The following TBC1D22A variants were observed in gnomAD, a reference collection of about 807,000 sequenced individuals.
TBC1D22A encodes the protein TBC1 domain family member 22A.
In TBC1D22A, 38 loss-of-function variants were observed where a neutral mutation model predicts 60.2. The observed-to-expected ratio is 0.63, with a 90% CI of 0.49 to 0.83. TBC1D22A has a LOEUF of 0.83. Ranked by LOEUF, TBC1D22A falls within the 40% of genes least tolerant of loss-of-function variation. The pLI is 0.00. For synonymous variants in TBC1D22A, 302 were observed against 281.7 expected, an observed-to-expected ratio of 1.07 and a Z score of -0.72; for missense variants, 628 against 701.0, an observed-to-expected ratio of 0.90 and a Z score of 1.18.
intron 12 of TBC1D22A, among the ~76,000 whole-genome samples, chr22:47,135,509 T>G (rs2066833957): frequency 6.6e-6 from 1 of 151,862 alleles, no homozygotes; most frequent in South Asian, 2.1e-4. Flanking sequence ...CTTGGTGCCT[T>G]GGGCACTGCA....
chr22:46,878,817 G>C, intron 5 of TBC1D22A, 94 bp downstream of exon 5: 1 of 1,219,040 alleles, frequency 8.2e-7, no homozygotes, highest in Non-Finnish European at 1.2e-6. Context: ...CACAGCCCAC[G>C]GGTTTGCCTT....
chr22:46,944,549 C>T (rs944676330), intron 8 of TBC1D22A, among the ~76,000 whole-genome samples: 7 of 152,156 alleles, frequency 4.6e-5, no homozygotes, highest in Non-Finnish European at 8.8e-5. Flanking sequence ...CAGGCGCCCG[C>T]CACCATGCCC....
chr22:47,170,383 T>C (rs2068385229), intron 12 of TBC1D22A, among the ~76,000 whole-genome samples: 1 of 152,232 alleles, frequency 6.6e-6, no homozygotes, highest in African/African-American at 2.4e-5. Context: ...AGGTATTTAT[T>C]TATGACCTGC....
At chr22:47,046,613 C>G (rs1199760428) in intron 11 of TBC1D22A, among the ~76,000 whole-genome samples, 1 of 152,176 alleles carries the variant, frequency 6.6e-6, no homozygotes, top group Non-Finnish European at 1.5e-5. Context: ...TGGACTTGGT[C>G]TTTGTGGGAC....
intron 12 of TBC1D22A, among the ~76,000 whole-genome samples, chr22:47,164,032 G>A (rs190255763): frequency 1.3e-5 from 2 of 152,182 alleles, no homozygotes; most frequent in Non-Finnish European, 2.9e-5. Flanking sequence ...CCATCACCGC[G>A]CCAGGTAACA....
At chr22:46,953,322 C>CTG (rs1037518808) in intron 8 of TBC1D22A, among the ~76,000 whole-genome samples, 29 of 151,472 alleles carry the variant, frequency 1.9e-4, no homozygotes, top group African/African-American at 5.6e-4. Flanking sequence ...ACACTCTCAT[C>CTG]TGTGTGTGTG....
At chr22:46,848,743 A>G (rs2087135049) in intron 4 of TBC1D22A, among the ~76,000 whole-genome samples, 1 of 152,164 alleles carries the variant, frequency 6.6e-6, no homozygotes, top group Non-Finnish European at 1.5e-5. Context: ...ATATTGTTAC[A>G]GTTTTGAGTG....
In TBC1D22A at chr22:47,029,998, G is replaced by A. The variant is rs182068685; in HGVS notation, c.1202-7073G>A. On this transcript the variant is annotated intron_variant, in intron 10 of 12. Transcript: ENST00000337137. ...AGCGTGACTGGACCCTGCTTGTTGG[G>A]GACCTGGCTTTTCTAGCTGTCAGCG... Among the ~76,000 whole-genome samples the A allele has an allele frequency of 5.1e-3, 776 of 152,344 alleles. 6 individuals are homozygous for A. The highest frequency in any genetic ancestry group is 0.018 in the African/African-American group (734 of 41,580).
At chr22:46,882,590 G>T (rs768061960) in intron 5 of TBC1D22A, among the ~76,000 whole-genome samples, 1 of 152,170 alleles carries the variant, frequency 6.6e-6, no homozygotes, top group Non-Finnish European at 1.5e-5. Flanking sequence ...TGGAGGGCCT[G>T]CGTTGGAGGA....
Position 46,949,874 on chromosome 22 carries a change from G to A in TBC1D22A, c.1016-24416G>A, listed in dbSNP as rs1212831088. ...GGCAAGTGAGTGCGGAGACTTCCAG[G>A]GGGCCCTGAGGCCTGAGCCGAGGCT... On this transcript the variant is annotated intron_variant, in intron 8 of 12. Coordinates refer to ENST00000337137, the MANE Select transcript of TBC1D22A (RefSeq NM_014346.5). Among the ~76,000 whole-genome samples, 3 of 152,216 alleles carry A rather than the reference G, an allele frequency of 2.0e-5. No individual in the cohort carries two copies. In the East Asian group the frequency reaches 5.8e-4, roughly 29 times the overall value.
intron 10 of TBC1D22A, 42 bp from the exon 11 acceptor site, chr22:47,037,029 G>A (rs1414973200): frequency 1.2e-6 from 2 of 1,610,746 alleles, no homozygotes; most frequent in South Asian, 1.1e-5. Flanking sequence ...GCCTCCATAG[G>A]GCTCCCCTGA....
chr22:47,104,312 A>G (rs995248656), intron 11 of TBC1D22A, among the ~76,000 whole-genome samples: 2 of 151,984 alleles, frequency 1.3e-5, no homozygotes, highest in African/African-American at 4.8e-5. Context: ...TGTCTCAAAA[A>G]CAAAAAAGAA....
chr22:46,949,140 T>C (rs2072738816), intron 8 of TBC1D22A, among the ~76,000 whole-genome samples: 1 of 152,226 alleles, frequency 6.6e-6, no homozygotes, highest in Non-Finnish European at 1.5e-5. Context: ...AAGAGACTGA[T>C]TGTGTCGCAT....
intron 11 of TBC1D22A, among the ~76,000 whole-genome samples, chr22:47,070,542 C>G (rs1169659481): frequency 4.0e-5 from 6 of 148,470 alleles, no homozygotes; most frequent in African/African-American, 1.5e-4. Context: ...CCAGGCTGTT[C>G]CCTGTTGTTT....
At chr22:46,953,890 G>A (rs1002143246) in intron 8 of TBC1D22A, among the ~76,000 whole-genome samples, 7 of 152,218 alleles carry the variant, frequency 4.6e-5, no homozygotes, top group Non-Finnish European at 7.3e-5. Flanking sequence ...GAGGCAGGGA[G>A]GGAGGTGGCA....
At chr22:47,146,356 A>C (rs186043617) in intron 12 of TBC1D22A, among the ~76,000 whole-genome samples, 1 of 152,208 alleles carries the variant, frequency 6.6e-6, no homozygotes, top group Non-Finnish European at 1.5e-5. Context: ...TCCTGCCATC[A>C]GGTTGAAGCC....
At chr22:46,779,495 G>A (rs1413121263) in intron 1 of TBC1D22A, among the ~76,000 whole-genome samples, 1 of 152,114 alleles carries the variant, frequency 6.6e-6, no homozygotes, top group African/African-American at 2.4e-5. Flanking sequence ...CTGACCTCAG[G>A]TGATCTGCCC....
In TBC1D22A at chr22:46,821,749, T is replaced by A. The variant is rs571153842; in HGVS notation, c.637+24129T>A. On this transcript the variant is annotated intron_variant, in intron 4 of 12. Coordinates refer to ENST00000337137, the MANE Select transcript of TBC1D22A (RefSeq NM_014346.5). ...CTTCTTGTGGAGTATCTTAATGGTGTTCTCTGTATTTCCCGAATTTACATG... is the reference window on the plus strand; with the variant it reads ...CTTCTTGTGGAGTATCTTAATGGTGATCTCTGTATTTCCCGAATTTACATG... Among the ~76,000 whole-genome samples the A allele has an allele frequency of 1.4e-4, 22 of 152,188 alleles. 1 individual carries two copies. In the South Asian group the frequency reaches 3.5e-3, roughly 24 times the overall value.
At chr22:47,052,950 G>A (rs1201134473) in intron 11 of TBC1D22A, among the ~76,000 whole-genome samples, 1 of 152,234 alleles carries the variant, frequency 6.6e-6, no homozygotes, top group East Asian at 1.9e-4. Flanking sequence ...ATGCCACGCA[G>A]CTGTGACATG....
Sources: gnomAD v4.1 joint callset for allele counts (sites outside exome capture counted in the v4.1 genomes callset) on GRCh38, gnomAD v4.1.1 for gene constraint, MANE v1.5 for transcripts, NCBI Gene and HGNC (gene_info 2026-07-23, HGNC 2026-07-21) for gene names.